The following KCNK9 variants were observed in gnomAD, a reference collection of about 807,000 sequenced individuals.
KCNK9 encodes the protein potassium channel subfamily K member 9.
Under a neutral mutation model 10.8 loss-of-function variants are expected in KCNK9, and 1 was observed. The observed-to-expected ratio is 0.09, with a 90% CI of 0.03 to 0.44. The LOEUF (loss-of-function observed/expected upper bound fraction) is 0.44, where lower values mean the gene tolerates loss of function less well. Among genes scored for constraint, KCNK9 ranks in the 20% least tolerant of loss-of-function variants. The pLI, the probability that KCNK9 is intolerant of heterozygous loss-of-function variation, is 0.97. For synonymous variants in KCNK9, 231 were observed against 222.7 expected, an observed-to-expected ratio of 1.04 and a Z score of -0.33; for missense variants, 303 against 515.0, an observed-to-expected ratio of 0.59 and a Z score of 3.98.
At chr8:139,692,574 C>T (rs1816955221) in intron 1 of KCNK9, among the ~76,000 whole-genome samples, 1 of 152,158 alleles carries the variant, frequency 6.6e-6, no homozygotes, top group Admixed American at 6.5e-5. Flanking sequence ...GACCAATTTC[C>T]CCAACTGCCA....
chr8:139,630,042 G>C (rs1411236277), intron 1 of KCNK9, among the ~76,000 whole-genome samples: 2 of 151,548 alleles, frequency 1.3e-5, no homozygotes, highest in Non-Finnish European at 2.9e-5. Context: ...CAGGTTAGTG[G>C]TTGCCTAGGG....
intron 1 of KCNK9, among the ~76,000 whole-genome samples, chr8:139,620,628 C>G (rs1173925419): frequency 6.6e-6 from 1 of 152,128 alleles, no homozygotes; most frequent in Non-Finnish European, 1.5e-5. Context: ...GTGCCATAAC[C>G]TACCTACCCC....
chr8:139,626,861 G>T (rs532767552), intron 1 of KCNK9, among the ~76,000 whole-genome samples: 2 of 152,336 alleles, frequency 1.3e-5, no homozygotes, highest in South Asian at 4.1e-4. Context: ...GGAGGAGCAG[G>T]CTGGAGAAGA....
At chr8:139,628,467 A>G (rs948527887) in intron 1 of KCNK9, among the ~76,000 whole-genome samples, 33 of 152,174 alleles carry the variant, frequency 2.2e-4, no homozygotes, top group African/African-American at 7.9e-4. Context: ...GGCCCCTTCC[A>G]CAGATGGGAA....
chr8:139,636,125 G>T (rs1309340935), intron 1 of KCNK9, among the ~76,000 whole-genome samples: 1 of 152,172 alleles, frequency 6.6e-6, no homozygotes, highest in Non-Finnish European at 1.5e-5. Flanking sequence ...GCTGGGCATT[G>T]CAGGAGTTTC....
downstream of KCNK9, among the ~76,000 whole-genome samples, chr8:139,614,629 C>G (rs151075013): frequency 4.0e-4 from 61 of 152,326 alleles, no homozygotes; most frequent in African/African-American, 1.3e-3. Flanking sequence ...AACCAAGTAT[C>G]TCAAAACCCA....
intron 1 of KCNK9, among the ~76,000 whole-genome samples, chr8:139,620,334 G>C (rs7013521): frequency 0.14 from 21,954 of 152,156 alleles, 2,078 homozygotes; most frequent in African/African-American, 0.27. Context: ...ACATGTTCAT[G>C]GTCACTTAGC....
rs1814657709 is a variant in KCNK9 at position 139,618,167 on chromosome 8, T to C, written c.*91A>G. 1.1e-5 allele frequency: 16 copies of C among 1,484,326 alleles called. No homozygotes were observed. The highest frequency in any genetic ancestry group is 2.8e-6 in the Non-Finnish European group (3 of 1,073,984). 91.9% of individuals were successfully genotyped at this position (1,484,326 alleles called of 1,614,324 possible). ...AAAGTAATAATGATGACAATAATAATAATAAATAAATAAGAAAAGACGAGT... is the reference window on the plus strand; with the variant it reads ...AAAGTAATAATGATGACAATAATAACAATAAATAAATAAGAAAAGACGAGT... On this transcript the variant is annotated 3_prime_UTR_variant, in exon 2 of 2. Coordinates refer to ENST00000520439, the MANE Select transcript of KCNK9 (RefSeq NM_001282534.2). The surrounding 1 kb of genome is among the most constrained non-coding windows in gnomAD (Gnocchi z 7.9).
chr8:139,624,046 C>CCCAGCCAACAGCAGGGCCCTAAG (rs1293769988), intron 1 of KCNK9, among the ~76,000 whole-genome samples: 1 of 152,188 alleles, frequency 6.6e-6, no homozygotes, highest in Non-Finnish European at 1.5e-5. Flanking sequence ...CCTACAGGCA[C>CCCAGCCAACAGCAGGGCCCTAAG]CCAGCCAACA....
chr8:139,652,220 C>T lies in KCNK9; in HGVS notation c.284-33121G>A, dbSNP rs727351. 3.9e-5 allele frequency among the ~76,000 whole-genome samples: 6 copies of T among 152,186 alleles called. No individual in the cohort carries two copies. The East Asian group carries it at 7.7e-4, about 20-fold the overall frequency. ...CAGTAAAAAACACCCACCCCCAATG[C>T]TTCCACAAGACACTGAGTTCCCCTC... On this transcript the variant is annotated intron_variant, in intron 1 of 1. Coordinates refer to ENST00000520439, the MANE Select transcript of KCNK9 (RefSeq NM_001282534.2).
downstream of KCNK9, among the ~76,000 whole-genome samples, chr8:139,610,991 A>G (rs866225123): frequency 2.0e-5 from 3 of 152,082 alleles, no homozygotes; most frequent in Non-Finnish European, 2.9e-5. Flanking sequence ...CTAAAATAGC[A>G]CCCATTTGCT....
At chr8:139,664,020 G>A (rs888948047) in intron 1 of KCNK9, among the ~76,000 whole-genome samples, 9 of 152,240 alleles carry the variant, frequency 5.9e-5, no homozygotes, top group South Asian at 4.2e-4. Context: ...GAGGGCTTGC[G>A]GCTATCCTAC....
At chr8:139,663,648 CGTGTGTGTGTGT>C (rs34660685) in intron 1 of KCNK9, among the ~76,000 whole-genome samples, 9 of 137,506 alleles carry the variant, frequency 6.5e-5, no homozygotes, top group African/African-American at 1.1e-4. Context: ...CGCGTGCGCA[CGTGTGTGTGTGT>C]GTGTGTGTGT....
At chr8:139,628,025 T>C (rs945585820) in intron 1 of KCNK9, among the ~76,000 whole-genome samples, 1 of 152,222 alleles carries the variant, frequency 6.6e-6, no homozygotes, top group Non-Finnish European at 1.5e-5. Flanking sequence ...AATTAAACAT[T>C]TGAAAACATG....
chr8:139,639,554 C>A (rs573911967), intron 1 of KCNK9, among the ~76,000 whole-genome samples: 2 of 152,356 alleles, frequency 1.3e-5, no homozygotes, highest in Admixed American at 1.3e-4. Flanking sequence ...AAGCCATTTG[C>A]CCTGCAGTAG....
At chr8:139,673,803 C>A (rs953320962) in intron 1 of KCNK9, among the ~76,000 whole-genome samples, 1 of 152,052 alleles carries the variant, frequency 6.6e-6, no homozygotes, top group South Asian at 2.1e-4. Context: ...CCAGCCCCTC[C>A]CCACCCCTGC....
chr8:139,671,226 G>T (rs1586679814), intron 1 of KCNK9, among the ~76,000 whole-genome samples: 2 of 152,238 alleles, frequency 1.3e-5, no homozygotes, highest in Non-Finnish European at 2.9e-5. Context: ...AGGGCAGAGG[G>T]CTTCTGTGGC....
At chr8:139,675,743 G>T (rs1201438795) in intron 1 of KCNK9, among the ~76,000 whole-genome samples, 1 of 151,788 alleles carries the variant, frequency 6.6e-6, no homozygotes, top group Non-Finnish European at 1.5e-5. Context: ...GAGAGCTTAT[G>T]TGTCCCCCAC....
chr8:139,697,318 G>A lies in KCNK9; in HGVS notation c.283+5392C>T, dbSNP rs536010880. Among the ~76,000 whole-genome samples, 498 of 149,924 alleles carry A rather than the reference G, an allele frequency of 3.3e-3. 12 individuals are homozygous for A. The highest frequency in any genetic ancestry group is 4.6e-4 in the Non-Finnish European group (31 of 67,478). On this transcript the variant is annotated intron_variant, in intron 1 of 1. Coordinates refer to ENST00000520439, the MANE Select transcript of KCNK9 (RefSeq NM_001282534.2). Reference sequence around the variant, plus strand: ...GTGGGTGGATGGATAGATGGTGGGTGGATGAATGGTGAATGGGTGAGTGGA... The same window carrying A: ...GTGGGTGGATGGATAGATGGTGGGTAGATGAATGGTGAATGGGTGAGTGGA...
Sources: allele counts gnomAD v4.1 joint callset (sites outside exome capture counted in the v4.1 genomes callset), GRCh38; gene constraint gnomAD v4.1.1; non-coding constraint Gnocchi (gnomAD v3.1); transcripts MANE v1.5; gene names NCBI Gene and HGNC (gene_info 2026-07-23, HGNC 2026-07-21).